Variants in ZNF366 observed in about 807,000 individuals in gnomAD.
ZNF366 encodes the protein dendritic cell-specific transcript protein.
A neutral mutation model predicts 47.2 loss-of-function variants in ZNF366; 20 were observed. The ratio of observed to expected loss-of-function variants is 0.42; its 90% CI spans 0.30 to 0.62. ZNF366 has a LOEUF of 0.62. Ranked by LOEUF, ZNF366 falls within the 20% of genes least tolerant of loss-of-function variation. The pLI is 0.16. For synonymous variants in ZNF366, 421 were observed against 395.1 expected, an observed-to-expected ratio of 1.07 and a Z score of -0.78; for missense variants, 987 against 976.3, an observed-to-expected ratio of 1.01 and a Z score of -0.15.
rs753397394 is a variant in ZNF366 at position 72,444,082 on chromosome 5, G to A, written c.1909C>T (p.Pro637Ser). The change falls in exon 5 of 5, where the codon CCC becomes TCC. Residue 637 changes from proline (P) to serine (S), a missense_variant. Physicochemically the swap from Pro to Ser is moderately conservative, Grantham distance 74. Around this residue, in one of 3 missense-constraint regions of ZNF366, gnomAD observed 285 missense variants for 234.8 expected, o/e 1.21. Coordinates refer to ENST00000318442, the MANE Select transcript of ZNF366 (RefSeq NM_152625.3). ...GGTGTGCAGAGCTGCTGGCTCTGGG[G>A]GGCCAGGCCAGGGCTGTAGGGCTCC... ...EVEPYSPGLA[P>S]QSQQLCTPED... The A allele has an allele frequency of 6.2e-7, 1 of 1,614,140 alleles. No homozygotes were observed.
chr5:72,444,030 T>A lies in ZNF366; in HGVS notation c.1961A>T (p.His654Leu). The A allele has an allele frequency of 6.2e-7, 1 of 1,614,190 alleles. No homozygotes were observed. Among genetic ancestry groups the A allele is most frequent in the Non-Finnish European group, 8.5e-7 (1 of 1,180,028 alleles). Residue 654 changes from histidine (H) to leucine (L), a missense_variant, in exon 5 of 5, where the codon CAC becomes CTC. Coordinates refer to ENST00000318442, the MANE Select transcript of ZNF366 (RefSeq NM_152625.3). The part of the protein sequence containing the change: ...TPEDLSTKSE[H>L]APEVLEEACK... ...GGCTTCCTCCAGCACCTCGGGGGCG[T>A]GCTCCGACTTGGTGGACAGATCCTC... is the stretch of plus-strand genomic sequence containing the variant.
chr5:72,484,861 T>C (rs1218358179), intron 1 of ZNF366, among the ~76,000 whole-genome samples: 1 of 152,224 alleles, frequency 6.6e-6, no homozygotes, highest in African/African-American at 2.4e-5. Context: ...AATGACAAAG[T>C]ATTCAATTTT....
intron 1 of ZNF366, among the ~76,000 whole-genome samples, 181 bp from the exon 2 acceptor site, chr5:72,461,691 T>G (rs1743317192): frequency 6.6e-6 from 1 of 152,198 alleles, no homozygotes; most frequent in Non-Finnish European, 1.5e-5. Context: ...CAAACCCAGT[T>G]ATCAATATGG....
chr5:72,443,771 C>T lies in ZNF366; in HGVS notation c.2220G>A (p.Val740=), dbSNP rs753114079. Residue 740 remains valine, a synonymous_variant, in exon 5 of 5, where the codon GTG becomes GTA. Coordinates refer to ENST00000318442, the MANE Select transcript of ZNF366 (RefSeq NM_152625.3). ...AACTGTCCACTTAGATACCTAAAAGCACTGCTTGTTTTTCCATTTTCCTCT... is the reference window on the plus strand; with the variant it reads ...AACTGTCCACTTAGATACCTAAAAGTACTGCTTGTTTTTCCATTTTCCTCT... The part of the protein sequence containing the change: ...LLERKMEKQA[V]LLGI The T allele has an allele frequency of 6.2e-7, 1 of 1,613,066 alleles. No homozygotes were observed.
chr5:72,457,838 C>T (rs1743221066), intron 2 of ZNF366, among the ~76,000 whole-genome samples: 1 of 152,046 alleles, frequency 6.6e-6, no homozygotes, highest in Non-Finnish European at 1.5e-5. Flanking sequence ...CATGAGTATG[C>T]ATTTATGTTA....
At chr5:72,467,966 C>T (rs1240093182) in intron 1 of ZNF366, among the ~76,000 whole-genome samples, 5 of 152,154 alleles carry the variant, frequency 3.3e-5, no homozygotes, top group Non-Finnish European at 7.4e-5. Context: ...GGAGGATAGA[C>T]ATGAACTGGC....
At chr5:72,465,205 A>G (rs1743405005) in intron 1 of ZNF366, among the ~76,000 whole-genome samples, 2 of 152,190 alleles carry the variant, frequency 1.3e-5, no homozygotes, top group Non-Finnish European at 2.9e-5. Flanking sequence ...GTCAAGGAGA[A>G]CTAGATCTGA....
At position 72,456,523 on chromosome 5, in the gene ZNF366, G is replaced by C. The variant is rs1561192272; in HGVS notation, c.1405C>G (p.Leu469Val). ...TAGGCGCGGATGTTGGTGTGGATCA[G>C]CACGTGTCGCTTCATGTTGGCCAGC... ...TLLANMKRHV[L>V]IHTNIRAYQC... Residue 469 changes from leucine to valine, a missense_variant, in exon 3 of 5, where the codon CTG (leucine) becomes GTG (valine). Leu to Val is a conservative substitution (Grantham distance 32). Coordinates refer to ENST00000318442, the MANE Select transcript of ZNF366 (RefSeq NM_152625.3). 1 of 1,613,570 alleles carries C rather than the reference G, an allele frequency of 6.2e-7. No homozygotes were observed. Among genetic ancestry groups the C allele is most frequent in the East Asian group, 2.2e-5 (1 of 44,874 alleles).
At chr5:72,451,880 G>A (rs771243428) in intron 3 of ZNF366, among the ~76,000 whole-genome samples, 9 of 152,178 alleles carry the variant, frequency 5.9e-5, no homozygotes, top group African/African-American at 9.7e-5. Context: ...TGTGTGCTCC[G>A]GGCCTCCTCG....
At chr5:72,501,950 G>A (rs1049632396) in intron 1 of ZNF366, among the ~76,000 whole-genome samples, 1 of 152,124 alleles carries the variant, frequency 6.6e-6, no homozygotes, top group Non-Finnish European at 1.5e-5. Flanking sequence ...AGCAGAACAA[G>A]CCCATATAGT....
At chr5:72,505,263 A>G (rs1352658497) in intron 1 of ZNF366, among the ~76,000 whole-genome samples, 1 of 152,192 alleles carries the variant, frequency 6.6e-6, no homozygotes, top group East Asian at 1.9e-4. Context: ...GTGAGTAAAG[A>G]TAGATTGAGT....
At chr5:72,500,273 G>GT (rs902405913) in intron 1 of ZNF366, among the ~76,000 whole-genome samples, 3 of 152,222 alleles carry the variant, frequency 2.0e-5, no homozygotes, top group Non-Finnish European at 2.9e-5. Context: ...GGTTTTAAAT[G>GT]TTTTTTTCAA....
At position 72,460,995 on chromosome 5, in the gene ZNF366, G is replaced by T. The variant is rs751455288; in HGVS notation, c.502C>A (p.Pro168Thr). The part of the protein sequence containing the change: ...SAVWPQPTPT[P>T]FLPTPYPYYP... ...TAGGGGTAGGGCGTGGGCAGGAATG[G>T]AGTGGGCGTTGGCTGGGGCCACACG... Residue 168 changes from proline to threonine, a missense_variant, in exon 2 of 5, where the codon CCA (proline) becomes ACA (threonine). This residue lies in a region of ZNF366 where 591 missense variants were observed against 560.9 expected (regional missense o/e 1.05). Coordinates refer to ENST00000318442, the MANE Select transcript of ZNF366 (RefSeq NM_152625.3). 1.9e-6 allele frequency: 3 copies of T among 1,613,968 alleles called. No individual in the cohort carries two copies. The highest frequency in any genetic ancestry group is 2.5e-6 in the Non-Finnish European group (3 of 1,180,032).
At chr5:72,488,735 C>G (rs1034913162) in intron 1 of ZNF366, among the ~76,000 whole-genome samples, 3 of 152,188 alleles carry the variant, frequency 2.0e-5, no homozygotes, top group Non-Finnish European at 4.4e-5. Context: ...TTTAGCCCAG[C>G]AACCGCATTT....
chr5:72,451,739 G>A (rs1010452291), intron 3 of ZNF366, among the ~76,000 whole-genome samples: 6 of 152,174 alleles, frequency 3.9e-5, no homozygotes, highest in Non-Finnish European at 7.3e-5. Context: ...AAATGCAAGC[G>A]GTTGTGCCTG....
At chr5:72,506,771 A>G (rs1467868138) in intron 1 of ZNF366, among the ~76,000 whole-genome samples, 1 of 152,172 alleles carries the variant, frequency 6.6e-6, no homozygotes, top group Non-Finnish European at 1.5e-5. Flanking sequence ...ATCATATAAC[A>G]ATTAACAATC....
intron 1 of ZNF366, among the ~76,000 whole-genome samples, chr5:72,498,959 T>A (rs986982547): frequency 6.6e-6 from 1 of 152,248 alleles, no homozygotes; most frequent in African/African-American, 2.4e-5. Flanking sequence ...GATGTGATGC[T>A]GAAATTTCTC....
In ZNF366 at chr5:72,456,436, C is replaced by T. The variant is rs756373215; in HGVS notation, c.1492G>A (p.Val498Ile). ...TTGAAAGGCTTCACGTCAGAGTGGA[C>T]GATCATGTGTGCCTTGAGGGTCTGC... is the stretch of plus-strand genomic sequence containing the variant. ...QKQTLKAHMI[V>I]HSDVKPFKCK... is the part of the protein sequence containing the mutation. Residue 498 changes from valine (V) to isoleucine (I), a missense_variant, in exon 3 of 5, where the codon GTC becomes ATC. This residue lies in a region of ZNF366 where 111 missense variants were observed against 180.5 expected (regional missense o/e 0.61). Transcript: ENST00000318442. The T allele has an allele frequency of 2.0e-5, 32 of 1,611,856 alleles. No individual in the cohort carries two copies. The South Asian group carries it at 2.5e-4, about 13-fold the overall frequency.
chr5:72,470,933 G>A (rs1743550265), intron 1 of ZNF366, among the ~76,000 whole-genome samples: 1 of 152,178 alleles, frequency 6.6e-6, no homozygotes, highest in Non-Finnish European at 1.5e-5. Context: ...AAGATAGAAT[G>A]TCCTGTTTCA....
Sources: gnomAD v4.1 joint callset for allele counts (sites outside exome capture counted in the v4.1 genomes callset) on GRCh38, gnomAD v4.1.1 for gene constraint, gnomAD v4.1.1 regional missense constraint, MANE v1.5 for transcripts, NCBI Gene and HGNC (gene_info 2026-07-23, HGNC 2026-07-21) for gene names.